SREBF2: variants seen among roughly 807,000 people sequenced by gnomAD.
SREBF2 encodes the protein sterol regulatory element binding transcription factor 2, also known as sterol regulatory element-binding protein 2.
Under a neutral mutation model 113.1 loss-of-function variants are expected in SREBF2, and 55 were observed. The ratio of observed to expected loss-of-function variants is 0.49; its 90% CI spans 0.39 to 0.61. The LOEUF is 0.61. Among genes scored for constraint, SREBF2 ranks in the 20% least tolerant of loss-of-function variants. SREBF2 has a pLI of 0.00. For missense variants in SREBF2, 1,349 were observed against 1,487.4 expected (o/e 0.91, Z 1.53); for synonymous variants, 593 against 605.7 (o/e 0.98, Z 0.31).
intron 11 of SREBF2, among the ~76,000 whole-genome samples, chr22:41,888,918 G>A (rs1422595096): frequency 1.3e-5 from 2 of 152,176 alleles, no homozygotes; most frequent in Non-Finnish European, 2.9e-5. Flanking sequence ...TCTTATAAAG[G>A]AAGAAGCTTT....
chr22:41,844,672 G>A (rs73885841), intron 1 of SREBF2, among the ~76,000 whole-genome samples: 3 of 152,138 alleles, frequency 2.0e-5, no homozygotes, highest in African/African-American at 7.2e-5. Context: ...GCTCCTCCAC[G>A]TGGCCCTGTG....
chr22:41,873,636 G>A, intron 4 of SREBF2, 162 bp from the exon 5 acceptor site: 2 of 711,608 alleles, frequency 2.8e-6, no homozygotes, highest in East Asian at 5.4e-5. Flanking sequence ...TGGCTCCTGA[G>A]ACTTCTTGGG....
At chr22:41,851,647 C>T (rs2076931828) in intron 1 of SREBF2, among the ~76,000 whole-genome samples, 1 of 152,086 alleles carries the variant, frequency 6.6e-6, no homozygotes, top group East Asian at 1.9e-4. Flanking sequence ...GTGCGTACCA[C>T]CACGCCCAGC....
At chr22:41,844,750 A>G (rs1411859782) in intron 1 of SREBF2, among the ~76,000 whole-genome samples, 1 of 152,156 alleles carries the variant, frequency 6.6e-6, no homozygotes, top group Non-Finnish European at 1.5e-5. Context: ...TGAACCAGAT[A>G]TGGAACTGCT....
chr22:41,896,978 C>A, intron 13 of SREBF2, 74 bp from the exon 14 acceptor site: 2 of 1,063,768 alleles, frequency 1.9e-6, no homozygotes, highest in Non-Finnish European at 2.8e-6. Flanking sequence ...AGCTGGAGAG[C>A]TGAACAGCTA....
chr22:41,894,105 G>C (rs751268546), intron 12 of SREBF2, among the ~76,000 whole-genome samples: 1 of 152,198 alleles, frequency 6.6e-6, no homozygotes, highest in African/African-American at 2.4e-5. Context: ...CCCCACCCCT[G>C]CTGGCTAAAC....
At chr22:41,854,819 T>G (rs941682699) in intron 1 of SREBF2, among the ~76,000 whole-genome samples, 1 of 151,894 alleles carries the variant, frequency 6.6e-6, no homozygotes, top group African/African-American at 2.4e-5. Flanking sequence ...AGCCAGAGGC[T>G]GCAGTGAGCT....
intron 1 of SREBF2, among the ~76,000 whole-genome samples, chr22:41,847,682 C>T (rs1256600097): frequency 6.6e-6 from 1 of 152,186 alleles, no homozygotes; most frequent in Non-Finnish European, 1.5e-5. Context: ...GTTACTTAGC[C>T]TCTGAGTGCC....
intron 1 of SREBF2, among the ~76,000 whole-genome samples, chr22:41,842,552 C>A (rs1265157259): frequency 6.6e-6 from 1 of 152,246 alleles, no homozygotes; most frequent in Admixed American, 6.5e-5. Flanking sequence ...CTATTAAAAA[C>A]AATGCTGCGA....
chr22:41,901,899 A>G (rs2077468301), intron 16 of SREBF2, among the ~76,000 whole-genome samples: 1 of 152,240 alleles, frequency 6.6e-6, no homozygotes, highest in South Asian at 2.1e-4. Flanking sequence ...AGACAACGCC[A>G]TGCAGCCTGA....
intron 1 of SREBF2, among the ~76,000 whole-genome samples, chr22:41,846,312 T>C (rs2076876351): frequency 6.6e-6 from 1 of 152,220 alleles, no homozygotes; most frequent in Non-Finnish European, 1.5e-5. Context: ...AGGCTCCTGC[T>C]TAGTACTCCT....
chr22:41,905,400 TG>T, intron 18 of SREBF2, 39 bp from the exon 19 acceptor site: 1 of 1,531,230 alleles, frequency 6.5e-7, no homozygotes, highest in Non-Finnish European at 8.8e-7. Context: ...ACCAACTTCA[TG>T]GTAGATTCTC....
chr22:41,875,523 A>G lies in SREBF2; in HGVS notation c.1205-20A>G, dbSNP rs1015907296. The G allele has an allele frequency of 6.2e-7, 1 of 1,614,250 alleles. No individual in the cohort carries two copies. Among genetic ancestry groups the G allele is most frequent in the Non-Finnish European group, 8.5e-7 (1 of 1,180,036 alleles). ...TTTGTAAAAGCAGATCATTTTCACC[A>G]GGTGGGGTTTTCTTTGCAGAGCTTC... On this transcript the variant is annotated intron_variant, in intron 6 of 18. Coordinates refer to ENST00000361204, the MANE Select transcript of SREBF2 (RefSeq NM_004599.4).
intron 1 of SREBF2, among the ~76,000 whole-genome samples, chr22:41,859,282 T>TGG (rs1467016275): frequency 1.3e-5 from 2 of 152,108 alleles, no homozygotes; most frequent in African/African-American, 4.8e-5. Flanking sequence ...GGTTACAGCT[T>TGG]GGGAGTTATC....
At chr22:41,855,530 C>T (rs547368530) in intron 1 of SREBF2, among the ~76,000 whole-genome samples, 1 of 152,078 alleles carries the variant, frequency 6.6e-6, no homozygotes, top group Admixed American at 6.6e-5. Flanking sequence ...TCAAAAAAAA[C>T]GCAAAACTAG....
chr22:41,840,296 C>T (rs2076816863), intron 1 of SREBF2, among the ~76,000 whole-genome samples: 1 of 152,158 alleles, frequency 6.6e-6, no homozygotes, highest in Non-Finnish European at 1.5e-5. Flanking sequence ...CTAATTTGCC[C>T]TAAATCTTGT....
rs57362759 is a variant in SREBF2 at position 41,877,724 on chromosome 22, A to G, written c.1580-218A>G. 1.2e-3 allele frequency among the ~76,000 whole-genome samples: 185 copies of G among 152,338 alleles called. 6 individuals are homozygous for G. In the East Asian group the frequency reaches 0.032, roughly 27 times the overall value. On this transcript the variant is annotated intron_variant, in intron 8 of 18. Coordinates refer to ENST00000361204, the MANE Select transcript of SREBF2 (RefSeq NM_004599.4). Reference sequence around the variant, plus strand: ...GTTTTTTATCTGAGGTTGCAAAACCAATGCCTCAACCCTTTCAAAACAAAG... The same window carrying G: ...GTTTTTTATCTGAGGTTGCAAAACCGATGCCTCAACCCTTTCAAAACAAAG...
intron 7 of SREBF2, among the ~76,000 whole-genome samples, chr22:41,876,017 G>A (rs2077194828): frequency 6.6e-6 from 1 of 152,232 alleles, no homozygotes; most frequent in African/African-American, 2.4e-5. Flanking sequence ...GGCGTTGGGA[G>A]CTGCTGGAGG....
At chr22:41,877,128 T>C in intron 7 of SREBF2, 101 bp from the exon 8 acceptor site, 1 of 1,255,928 alleles carries the variant, frequency 8.0e-7, no homozygotes, top group Non-Finnish European at 1.1e-6. Flanking sequence ...TCGACTTGAA[T>C]TTAAACCTCA....
Sources: gnomAD v4.1 joint callset for allele counts (sites outside exome capture counted in the v4.1 genomes callset) on GRCh38, gnomAD v4.1.1 for gene constraint, MANE v1.5 for transcripts, NCBI Gene and HGNC (gene_info 2026-07-23, HGNC 2026-07-21) for gene names.